CALCR: variants seen among roughly 807,000 people sequenced by gnomAD.
CALCR encodes the protein calcitonin receptor.
CALCR carries 47 observed loss-of-function variants against 59.5 expected under a neutral mutation model. The observed-to-expected ratio is 0.79, with a 90% CI of 0.63 to 1.01. The LOEUF (loss-of-function observed/expected upper bound fraction) is 1.01, where lower values mean the gene tolerates loss of function less well. Ranked by LOEUF, CALCR falls within the 50% of genes least tolerant of loss-of-function variation. The pLI, the probability that CALCR is intolerant of heterozygous loss-of-function variation, is 0.00. For synonymous variants in CALCR, 213 were observed against 211.3 expected, an observed-to-expected ratio of 1.01 and a Z score of -0.07; for missense variants, 566 against 597.1, an observed-to-expected ratio of 0.95 and a Z score of 0.54.
At position 93,532,838 on chromosome 7, in the gene CALCR, C is replaced by CAAAAAAAAAAAA. The variant is rs57128008; in HGVS notation, c.-27+41439_-27+41450dup. On this transcript the variant is annotated intron_variant, in intron 2 of 13. Coordinates refer to ENST00000426151, the MANE Select transcript of CALCR (RefSeq NM_001742.4). ...TAGCCTTGATTCCTCATGTCCAAAG[C>CAAAAAAAAAAAA]AAAAAAAAAAAAAAAAAAAAAAAAA... Among the ~76,000 whole-genome samples the CAAAAAAAAAAAA allele has an allele frequency of 2.2e-3, 215 of 95,628 alleles. 3 individuals carry two copies. The highest frequency in any genetic ancestry group is 4.6e-3 in the African/African-American group (92 of 19,902). 62.7% of individuals were successfully genotyped at this position (95,628 alleles called of 152,430 possible).
chr7:93,469,106 C>A (rs1252558734), intron 6 of CALCR, among the ~76,000 whole-genome samples: 2 of 151,752 alleles, frequency 1.3e-5, no homozygotes, highest in Non-Finnish European at 2.9e-5. Context: ...GCCCAGTAAG[C>A]AATCCTGGTA....
intron 2 of CALCR, among the ~76,000 whole-genome samples, chr7:93,488,229 G>T (rs1165011156): frequency 6.6e-6 from 1 of 151,538 alleles, no homozygotes; most frequent in Non-Finnish European, 1.5e-5. Context: ...GTTACCATTT[G>T]GTCTGCCTTG....
chr7:93,453,729 G>A (rs182350131), intron 8 of CALCR, among the ~76,000 whole-genome samples: 5 of 151,696 alleles, frequency 3.3e-5, no homozygotes, highest in South Asian at 4.2e-4. Flanking sequence ...CACCAAGATC[G>A]GCCAAATGAA....
At chr7:93,553,073 AT>A (rs1191817129) in intron 2 of CALCR, among the ~76,000 whole-genome samples, 2 of 152,322 alleles carry the variant, frequency 1.3e-5, no homozygotes, top group East Asian at 3.9e-4. Flanking sequence ...ATATCACGTT[AT>A]TTTAGAGGGA....
intron 2 of CALCR, among the ~76,000 whole-genome samples, chr7:93,559,210 C>T (rs1789683036): frequency 6.6e-6 from 1 of 152,024 alleles, no homozygotes; most frequent in South Asian, 2.1e-4. Flanking sequence ...AAGCTTCTAC[C>T]ACACCTCTTT....
chr7:93,442,448 C>T (rs1416824328), intron 9 of CALCR, among the ~76,000 whole-genome samples: 2 of 152,180 alleles, frequency 1.3e-5, no homozygotes, highest in African/African-American at 4.8e-5. Flanking sequence ...ACCAGTATGG[C>T]ATAACACCAG....
chr7:93,484,054 T>A (rs1800867536), intron 3 of CALCR: 1 of 492,558 alleles, frequency 2.0e-6, no homozygotes, highest in Non-Finnish European at 4.3e-6. Flanking sequence ...ACATCATCAG[T>A]TTTTTTCAGT....
intron 2 of CALCR, among the ~76,000 whole-genome samples, chr7:93,517,409 A>T (rs1584600960): frequency 6.6e-6 from 1 of 151,664 alleles, no homozygotes; most frequent in Admixed American, 6.6e-5. Context: ...ATGCTCCTTC[A>T]CATAGTTGGA....
intron 3 of CALCR, chr7:93,484,053 GT>G (rs746957293): frequency 2.2e-5 from 11 of 492,666 alleles, no homozygotes; most frequent in Admixed American, 1.2e-4. Context: ...AACATCATCA[GT>G]TTTTTTCAGT....
At chr7:93,455,921 T>A (rs1424525073) in intron 8 of CALCR, among the ~76,000 whole-genome samples, 1 of 152,142 alleles carries the variant, frequency 6.6e-6, no homozygotes, top group Non-Finnish European at 1.5e-5. Flanking sequence ...GTTTCAAGGA[T>A]GAATAATGTA....
intron 8 of CALCR, among the ~76,000 whole-genome samples, chr7:93,459,441 T>C (rs1207938246): frequency 2.0e-5 from 3 of 152,166 alleles, no homozygotes; most frequent in African/African-American, 7.2e-5. Context: ...AAATCCTTTT[T>C]AGTTCTGGTT....
chr7:93,521,357 T>C (rs1324609245), intron 2 of CALCR, among the ~76,000 whole-genome samples: 2 of 152,038 alleles, frequency 1.3e-5, no homozygotes, highest in Non-Finnish European at 2.9e-5. Flanking sequence ...GCATGAGAAA[T>C]AGTATACTGT....
chr7:93,441,514 G>A (rs1480896877), intron 9 of CALCR: 1 of 455,272 alleles, frequency 2.2e-6, no homozygotes. Context: ...GAGAAGGCCA[G>A]GGAAAGGAAA....
chr7:93,505,035 T>C (rs1328693617), intron 2 of CALCR, among the ~76,000 whole-genome samples: 3 of 152,108 alleles, frequency 2.0e-5, no homozygotes, highest in South Asian at 2.1e-4. Flanking sequence ...CCACCACCTA[T>C]ACTATTTAAT....
At position 93,426,564 on chromosome 7, in the gene CALCR, C is replaced by T; in HGVS notation, c.1217G>A (p.Trp406Ter). 3.7e-6 allele frequency: 6 copies of T among 1,609,596 alleles called. No individual in the cohort carries two copies. The highest frequency in any genetic ancestry group is 5.1e-6 in the Non-Finnish European group (6 of 1,176,558). Residue 406 changes from tryptophan to a stop codon, truncating the protein, a stop_gained, in exon 14 of 14, where the codon TGG becomes TAG. Transcript: ENST00000426151. LOFTEE classifies it low-confidence loss of function (END_TRUNC). ...GTTCCACTGAATTTTGAATTGGGCCCATTGGCGCTTCACGGTGGTTTGGAC... is the reference window on the plus strand; with the variant it reads ...GTTCCACTGAATTTTGAATTGGGCCTATTGGCGCTTCACGGTGGTTTGGAC... ...NEVQTTVKRQWAQFKIQWNQR... is the reference protein window; with the variant it reads ...NEVQTTVKRQ
At chr7:93,432,590 C>G (rs945924831) in intron 13 of CALCR, among the ~76,000 whole-genome samples, 1 of 152,130 alleles carries the variant, frequency 6.6e-6, no homozygotes, top group Non-Finnish European at 1.5e-5. Flanking sequence ...CAAATGAACT[C>G]GAGACATTCA....
At chr7:93,539,544 T>C (rs1386822406) in intron 2 of CALCR, among the ~76,000 whole-genome samples, 1 of 152,126 alleles carries the variant, frequency 6.6e-6, no homozygotes, top group African/African-American at 2.4e-5. Flanking sequence ...TGACAATGTA[T>C]TCTTTGGTCA....
Position 93,462,298 on chromosome 7 carries a change from G to T in CALCR, c.522-1351C>A, listed in dbSNP as rs542125749. 2.0e-3 allele frequency among the ~76,000 whole-genome samples: 300 copies of T among 152,146 alleles called. 1 individual carries two copies. Among genetic ancestry groups the T allele is most frequent in the Non-Finnish European group, 3.4e-3 (233 of 67,986 alleles). The stretch of plus-strand genomic sequence containing the variant: ...CATCCATGAGGCAGGCTCTGATAAA[G>T]ACAGGATTTAGAGAAGAGCTTTCTC... On this transcript the variant is annotated intron_variant, in intron 7 of 13. Transcript: ENST00000426151.
chr7:93,483,951 C>T, intron 3 of CALCR: 1 of 508,204 alleles, frequency 2.0e-6, no homozygotes, highest in Non-Finnish European at 4.1e-6. Context: ...AGTTTAGCTG[C>T]CGTATATGTG....
Sources: gnomAD v4.1 joint callset for allele counts (sites outside exome capture counted in the v4.1 genomes callset) on GRCh38, gnomAD v4.1.1 for gene constraint, MANE v1.5 for transcripts, NCBI Gene and HGNC (gene_info 2026-07-23, HGNC 2026-07-21) for gene names.